The following ABCB9 variants were observed in gnomAD, a reference collection of about 807,000 sequenced individuals.
ABCB9 encodes ABC-type oligopeptide transporter ABCB9.
Under a neutral mutation model 62.0 loss-of-function variants are expected in ABCB9, and 36 were observed. The observed-to-expected ratio is 0.58, with a 90% CI of 0.45 to 0.77. The LOEUF (loss-of-function observed/expected upper bound fraction) is 0.77, where lower values mean the gene tolerates loss of function less well. ABCB9 is among the 30% of genes least tolerant of loss of function. The pLI is 0.00. For synonymous variants in ABCB9, 435 were observed against 461.4 expected (o/e 0.94, Z 0.73); for missense variants, 943 against 1,054.7 (o/e 0.89, Z 1.47).
chr12:122,972,713 A>G (rs2135944046), intron 1 of ABCB9, among the ~76,000 whole-genome samples: 1 of 151,816 alleles, frequency 6.6e-6, no homozygotes, highest in South Asian at 2.1e-4. Flanking sequence ...GGGTTTCACC[A>G]TGTTGCCCAG....
In ABCB9 at chr12:122,932,353, A is replaced by G. The variant is rs2035223459; in HGVS notation, c.1904-25T>C. 1 of 1,540,652 alleles carries G rather than the reference A, an allele frequency of 6.5e-7. No homozygotes were observed. The highest frequency in any genetic ancestry group is 8.8e-7 in the Non-Finnish European group (1 of 1,139,216). On this transcript the variant is annotated intron_variant, in intron 10 of 11. Coordinates refer to ENST00000280560, the MANE Select transcript of ABCB9 (RefSeq NM_019625.4). The surrounding 1 kb of genome is among the most constrained non-coding windows in gnomAD (Gnocchi z 4.7). Reference sequence around the variant, plus strand: ...TCTGTATGGTGGAGGCACAGAGACAATTTAGCAATGGGTGAGGCCGGGCAG... The same window carrying G: ...TCTGTATGGTGGAGGCACAGAGACAGTTTAGCAATGGGTGAGGCCGGGCAG...
At chr12:122,923,303 T>G (rs1019662739) in intron 11 of ABCB9, among the ~76,000 whole-genome samples, 2 of 145,684 alleles carry the variant, frequency 1.4e-5, no homozygotes, top group Non-Finnish European at 3.0e-5. Context: ...ATTTATTTTT[T>G]TTGAGACGGA....
At chr12:122,952,363 A>C (rs2036408589) in intron 2 of ABCB9, 1 of 152,262 alleles carries the variant, frequency 6.6e-6, no homozygotes, top group Admixed American at 6.5e-5. Flanking sequence ...GAGCAGAGCC[A>C]GGTTTGGGGC....
chr12:122,972,469 G>A (rs2037288180), intron 1 of ABCB9, among the ~76,000 whole-genome samples: 1 of 152,056 alleles, frequency 6.6e-6, no homozygotes, highest in African/African-American at 2.4e-5. Context: ...ATTGGGATCT[G>A]GGTGCTGGTT....
Position 122,929,792 on chromosome 12 carries a change from G to C in ABCB9, c.*119C>G, listed in dbSNP as rs2035038343. The C allele has an allele frequency of 1.4e-6, 2 of 1,427,512 alleles. No individual in the cohort carries two copies. Among genetic ancestry groups the C allele is most frequent in the Non-Finnish European group, 1.8e-6 (2 of 1,092,774 alleles). The allele number at this position is 1,427,512 out of a possible 1,614,324, so 88.4% of individuals were successfully genotyped here. A position where few individuals can be genotyped will look rare whatever the true frequency, so the allele number is the denominator to read the frequency against. ...AGGAAGCGGTGATCCATGGGACATG[G>C]CAGGTCGTCTTTCAGTGCTGCAGGC... On this transcript the variant is annotated 3_prime_UTR_variant, in exon 12 of 12. Coordinates refer to ENST00000280560, the MANE Select transcript of ABCB9 (RefSeq NM_019625.4). The surrounding 1 kb of genome is among the most constrained non-coding windows in gnomAD (Gnocchi z 6.0).
At chr12:122,974,073 C>A (rs2037338350) in intron 1 of ABCB9, among the ~76,000 whole-genome samples, 1 of 151,590 alleles carries the variant, frequency 6.6e-6, no homozygotes, top group East Asian at 1.9e-4. Context: ...CTGATAGGTA[C>A]AACACACTCA....
intron 10 of ABCB9, among the ~76,000 whole-genome samples, chr12:122,933,881 C>T (rs1323829103): frequency 6.6e-6 from 1 of 152,100 alleles, no homozygotes; most frequent in African/African-American, 2.4e-5. Flanking sequence ...ACATATTTAT[C>T]ACTTTTTTAA....
downstream of ABCB9, chr12:122,924,557 G>A (rs1841288775): frequency 1.6e-6 from 2 of 1,284,032 alleles, no homozygotes; most frequent in Non-Finnish European, 1.0e-6. Context: ...GCTGTTTACT[G>A]AGCACATACT....
intron 2 of ABCB9, chr12:122,952,875 C>A: frequency 6.6e-6 from 1 of 152,398 alleles, no homozygotes; most frequent in Non-Finnish European, 1.5e-5. Flanking sequence ...CTCACTGGGA[C>A]TATCTCAGTA....
rs1223078417 is a variant in ABCB9 at position 122,935,375 on chromosome 12, G to A, written c.1800C>T (p.Ile600=). Residue 600 remains isoleucine, a synonymous_variant, in exon 10 of 12, where the codon ATC becomes ATT. Transcript: ENST00000280560. ...AAGGCACAGTGGGCAGGCCGTAGGA[G>A]ATGTTATCCGTGATGGAGCGGGCGA... ...VLFARSITDN[I]SYGLPTVPFE... 5.0e-6 allele frequency: 8 copies of A among 1,614,016 alleles called. No homozygotes were observed. Among genetic ancestry groups the A allele is most frequent in the Non-Finnish European group, 6.8e-6 (8 of 1,180,018 alleles).
chr12:122,969,610 G>A (rs756794659), upstream of ABCB9, among the ~76,000 whole-genome samples: 1 of 152,038 alleles, frequency 6.6e-6, no homozygotes, highest in Non-Finnish European at 1.5e-5. Flanking sequence ...GGTGGCACAT[G>A]CCTGTAGTCC....
chr12:122,929,878 C>T lies in ABCB9; in HGVS notation c.*33G>A. On this transcript the variant is annotated 3_prime_UTR_variant, in exon 12 of 12. Transcript: ENST00000280560. This position sits in a 1 kb window ranked among gnomAD's most constrained non-coding sequence, Gnocchi z 6.0. Reference sequence around the variant, plus strand: ...ACATCTGCCAGGCAGGCACCGGGTCCTCTGCCCCACCGGGAGAAGCAGGGG... The same window carrying T: ...ACATCTGCCAGGCAGGCACCGGGTCTTCTGCCCCACCGGGAGAAGCAGGGG... The T allele has an allele frequency of 6.6e-7, 1 of 1,506,396 alleles. No homozygotes were observed. The highest frequency in any genetic ancestry group is 8.9e-7 in the Non-Finnish European group (1 of 1,129,198). The allele number at this position is 1,506,396 out of a possible 1,614,324, so 93.3% of individuals were successfully genotyped here.
At position 122,930,152 on chromosome 12, in the gene ABCB9, C is replaced by T. The variant is rs1189628489; in HGVS notation, c.2060G>A (p.Gly687Asp). 3.9e-6 allele frequency: 6 copies of T among 1,549,000 alleles called. No homozygotes were observed. The highest frequency in any genetic ancestry group is 5.2e-6 in the Non-Finnish European group (6 of 1,145,120). The change falls in exon 12 of 12, where the codon GGC becomes GAC. Residue 687 changes from glycine (G) to aspartate (D), a missense_variant. Physicochemically the swap from Gly to Asp is moderately conservative, Grantham distance 94 (BLOSUM62 -1). Transcript: ENST00000280560. This position sits in a 1 kb window ranked among gnomAD's most constrained non-coding sequence, Gnocchi z 4.9. Reference protein sequence around the residue: ...SEYLIQQAIHGNLQKHTVLII... With the variant: ...SEYLIQQAIHDNLQKHTVLII... ...GAGTACCGTGTGCTTCTGCAGGTTG[C>T]CATGGATGGCCTGCTGGATCTGCGG...
chr12:122,929,033 C>T lies in ABCB9; in HGVS notation c.*878G>A. 3 of 985,918 alleles carry T rather than the reference C, an allele frequency of 3.0e-6. No homozygotes were observed. The highest frequency in any genetic ancestry group is 3.6e-6 in the Non-Finnish European group (3 of 829,970). 61.1% of individuals were successfully genotyped at this position (985,918 alleles called of 1,614,324 possible). On this transcript the variant is annotated 3_prime_UTR_variant, in exon 12 of 12. Transcript: ENST00000280560. This position sits in a 1 kb window ranked among gnomAD's most constrained non-coding sequence, Gnocchi z 6.0. ...GTACACTTTATTGACCGGGTTCTCT[C>T]AACATGTTGCAACCTCTGGCAAAGC...
Position 122,947,386 on chromosome 12 carries a change from CG to C in ABCB9, c.1054-1165del, listed in dbSNP as rs1347741978. ...AGAAGACTGTGGGGAGTGGCCTCAC[CG>C]GGGGCTGGGTGGGAGATGGCTTCCT... On this transcript the variant is annotated intron_variant, in intron 5 of 11. Coordinates refer to ENST00000280560, the MANE Select transcript of ABCB9 (RefSeq NM_019625.4). This position sits in a 1 kb window ranked among gnomAD's most constrained non-coding sequence, Gnocchi z 6.0. The C allele has an allele frequency of 7.6e-6, 3 of 396,248 alleles. No homozygotes were observed. Among genetic ancestry groups the C allele is most frequent in the Non-Finnish European group, 1.6e-5 (3 of 192,738 alleles). 24.5% of individuals were successfully genotyped at this position (396,248 alleles called of 1,614,324 possible).
Position 122,959,858 on chromosome 12 carries a change from T to A in ABCB9, c.378A>T (p.Ser126=). The A allele has an allele frequency of 6.2e-7, 1 of 1,613,292 alleles. No homozygotes were observed. The highest frequency in any genetic ancestry group is 8.5e-7 in the Non-Finnish European group (1 of 1,179,834). ...FWALFVWTYI[S]LGASFLLWWL... is the part of the protein sequence containing the mutation. Reference sequence around the variant, plus strand: ...ACCAGAGCAGGAAGGATGCGCCGAGTGAAATGTACGTCCACACGAACAGGG... The same window carrying A: ...ACCAGAGCAGGAAGGATGCGCCGAGAGAAATGTACGTCCACACGAACAGGG... Residue 126 remains serine, a synonymous_variant, in exon 2 of 12, where the codon TCA becomes TCT. Coordinates refer to ENST00000280560, the MANE Select transcript of ABCB9 (RefSeq NM_019625.4). The surrounding 1 kb of genome is among the most constrained non-coding windows in gnomAD (Gnocchi z 5.4).
intron 2 of ABCB9, 128 bp from the exon 3 acceptor site, chr12:122,950,693 A>T: frequency 1.3e-6 from 1 of 743,956 alleles, no homozygotes; most frequent in Non-Finnish European, 2.2e-6. Context: ...CTCCCTCGGC[A>T]AACTCTTGCT....
At chr12:122,927,643 G>A (rs1399720577), downstream of ABCB9, among the ~76,000 whole-genome samples, 1 of 152,208 alleles carries the variant, frequency 6.6e-6, no homozygotes, top group East Asian at 1.9e-4. Flanking sequence ...GCCTGAAAGT[G>A]CAGGGATGAG....
At position 122,941,051 on chromosome 12, in the gene ABCB9, C is replaced by T. The variant is rs920744225; in HGVS notation, c.1381-56G>A. 14 of 1,500,502 alleles carry T rather than the reference C, an allele frequency of 9.3e-6. No homozygotes were observed. The East Asian group carries it at 1.5e-4, about 16-fold the overall frequency. The allele number at this position is 1,500,502 out of a possible 1,614,324, so 92.9% of individuals were successfully genotyped here. On this transcript the variant is annotated intron_variant, in intron 7 of 11. Coordinates refer to ENST00000280560, the MANE Select transcript of ABCB9 (RefSeq NM_019625.4). ...ACCGATACCCGACTCCTGGGACCCA[C>T]CCCTGCTACTAGAGAGGAGGCAGGT...
Sources: allele counts gnomAD v4.1 joint callset (sites outside exome capture counted in the v4.1 genomes callset), GRCh38; gene constraint gnomAD v4.1.1; non-coding constraint Gnocchi (gnomAD v3.1); transcripts MANE v1.5; gene names NCBI Gene and HGNC (gene_info 2026-07-23, HGNC 2026-07-21).